PHF24: variants seen among roughly 807,000 people sequenced by gnomAD.
PHF24 encodes Galpha inhibitory interacting protein.
In PHF24, 25 loss-of-function variants were observed where a neutral mutation model predicts 42.6. That is an observed-to-expected ratio of 0.59 (90% confidence interval 0.43 to 0.82). The LOEUF is 0.82. PHF24 is among the 40% of genes least tolerant of loss of function. The probability of loss-of-function intolerance (pLI) is 0.00; values close to 1 mark genes in which losing one functional copy is unlikely to be tolerated. For synonymous variants in PHF24, 185 were observed against 204.8 expected, an observed-to-expected ratio of 0.90 and a Z score of 0.83; for missense variants, 470 against 538.1, an observed-to-expected ratio of 0.87 and a Z score of 1.25.
At chr9:34,877,656 T>A in the PHF24 span, among the ~76,000 whole-genome samples, 1 of 152,014 alleles carries the variant, frequency 6.6e-6, no homozygotes, top group Non-Finnish European at 1.5e-5. Context: ...TTTACCATAA[T>A]TTTTTTTAAT....
chr9:34,939,833 G>C, the PHF24 span, among the ~76,000 whole-genome samples: 1 of 152,070 alleles, frequency 6.6e-6, no homozygotes, highest in Non-Finnish European at 1.5e-5. Context: ...CCAGGTTAGT[G>C]GAACATCACT....
chr9:34,681,005 T>C, the PHF24 span: 1 of 152,226 alleles, frequency 6.6e-6, no homozygotes, highest in Non-Finnish European at 1.5e-5. Flanking sequence ...GTGACCCACT[T>C]TGGCCAATGA....
At chr9:34,853,188 T>C in the PHF24 span, among the ~76,000 whole-genome samples, 1 of 152,228 alleles carries the variant, frequency 6.6e-6, no homozygotes, top group Non-Finnish European at 1.5e-5. Context: ...TTGAATTTTA[T>C]CAAAGGCCTT....
the PHF24 span, among the ~76,000 whole-genome samples, chr9:34,769,647 T>G: frequency 2.6e-5 from 4 of 152,180 alleles, no homozygotes; most frequent in African/African-American, 9.7e-5. Context: ...GCACTGAGAT[T>G]AGTGCTGTCA....
chr9:34,866,533 C>T, the PHF24 span, among the ~76,000 whole-genome samples: 81 of 152,214 alleles, frequency 5.3e-4, 1 homozygote, highest in Admixed American at 2.9e-3. Context: ...TATGAAAAAC[C>T]AACAGAACCA....
the PHF24 span, among the ~76,000 whole-genome samples, chr9:34,731,366 G>A: frequency 6.6e-6 from 1 of 152,076 alleles, no homozygotes; most frequent in African/African-American, 2.4e-5. Context: ...TCAAATACTA[G>A]GTCTTATTTA....
At chr9:34,771,712 A>G in the PHF24 span, among the ~76,000 whole-genome samples, 547 of 152,366 alleles carry the variant, frequency 3.6e-3, 7 homozygotes, top group Middle Eastern at 0.037. Flanking sequence ...CCATCATTAT[A>G]AATAATCAGG....
At chr9:34,835,213 A>G in the PHF24 span, 2,076 of 1,552,062 alleles carry the variant, frequency 1.3e-3, 24 homozygotes, top group African/African-American at 0.025. Context: ...GGCCAGCCAC[A>G]CATGAACACC....
chr9:34,818,504 C>G, the PHF24 span, among the ~76,000 whole-genome samples: 1 of 152,240 alleles, frequency 6.6e-6, no homozygotes, highest in Non-Finnish European at 1.5e-5. Flanking sequence ...GTTTAACCAG[C>G]CTTGCATTCC....
chr9:34,732,657 T>C, the PHF24 span, among the ~76,000 whole-genome samples: 2 of 152,202 alleles, frequency 1.3e-5, no homozygotes, highest in African/African-American at 4.8e-5. Flanking sequence ...GCTTTGGCTG[T>C]CTGTGCTTAT....
the PHF24 span, among the ~76,000 whole-genome samples, chr9:34,935,224 TG>T: frequency 6.6e-6 from 1 of 152,148 alleles, no homozygotes; most frequent in Admixed American, 6.5e-5. Flanking sequence ...TGAAGGCCAC[TG>T]GGGACCTTTA....
At chr9:34,839,719 T>C in the PHF24 span, among the ~76,000 whole-genome samples, 1 of 152,184 alleles carries the variant, frequency 6.6e-6, no homozygotes, top group Non-Finnish European at 1.5e-5. Context: ...GGACTTTGAG[T>C]CATGTTGGCT....
chr9:34,951,411 C>T, the PHF24 span, among the ~76,000 whole-genome samples: 1,841 of 152,194 alleles, frequency 0.012, 15 homozygotes, highest in Non-Finnish European at 0.02. Context: ...ACAGTGGGCT[C>T]TATAATCATA....
the PHF24 span, among the ~76,000 whole-genome samples, chr9:34,811,298 T>TCA: frequency 6.6e-6 from 1 of 152,178 alleles, no homozygotes; most frequent in Non-Finnish European, 1.5e-5. Flanking sequence ...CTCCCAAAGT[T>TCA]CATGTGTTGG....
chr9:34,823,426 G>T, the PHF24 span, among the ~76,000 whole-genome samples: 39 of 152,030 alleles, frequency 2.6e-4, no homozygotes, highest in Admixed American at 2.6e-3. Context: ...CATCCAGGAG[G>T]CCATTTGTTA....
the PHF24 span, among the ~76,000 whole-genome samples, chr9:34,869,132 A>G: frequency 3.1e-3 from 464 of 151,920 alleles, no homozygotes; most frequent in African/African-American, 0.011. Context: ...TATGTGCACA[A>G]TTTTCTTTAT....
the PHF24 span, among the ~76,000 whole-genome samples, chr9:34,747,781 G>A: frequency 2.6e-5 from 4 of 152,044 alleles, no homozygotes; most frequent in East Asian, 1.9e-4. Context: ...CTGATGACCC[G>A]GAAATTCCAC....
At chr9:34,889,366 AGGCACTGG>A in the PHF24 span, 1 of 398,522 alleles carries the variant, frequency 2.5e-6, no homozygotes, top group Admixed American at 4.4e-5. Flanking sequence ...CAGATTATTT[AGGCACTGG>A]GGGCATCACA....
chr9:34,711,942 ATTTG>A, the PHF24 span, among the ~76,000 whole-genome samples: 3 of 151,592 alleles, frequency 2.0e-5, no homozygotes, highest in Admixed American at 6.6e-5. Context: ...TTCCTTTAGC[ATTTG>A]TTTGTTTGTT....
Sources: gnomAD v4.1 joint callset for allele counts (sites outside exome capture counted in the v4.1 genomes callset) on GRCh38, gnomAD v4.1.1 for gene constraint, MANE v1.5 for transcripts, NCBI Gene and HGNC (gene_info 2026-07-23, HGNC 2026-07-21) for gene names.